TAF4: variants seen among roughly 807,000 people sequenced by gnomAD.
TAF4 encodes the protein transcription initiation factor TFIID subunit 4.
A neutral mutation model predicts 90.3 loss-of-function variants in TAF4; 9 were observed. The ratio of observed to expected loss-of-function variants is 0.10; its 90% CI spans 0.06 to 0.17. The LOEUF (loss-of-function observed/expected upper bound fraction) is 0.17. Ranked by LOEUF, TAF4 falls within the 10% of genes least tolerant of loss-of-function variation. The pLI is 1.00. For synonymous variants in TAF4, 818 were observed against 638.9 expected (o/e 1.28, Z -4.23); for missense variants, 1,351 against 1,370.7 (o/e 0.99, Z 0.23).
intron 14 of TAF4, among the ~76,000 whole-genome samples, chr20:61,982,185 C>CA (rs1255339794): frequency 9.9e-3 from 47 of 4,768 alleles, no homozygotes; most frequent in Middle Eastern, 0.083. Context: ...GAGGAGACAC[C>CA]AAACCCACAC....
chr20:62,032,426 G>A (rs6061401), intron 1 of TAF4, among the ~76,000 whole-genome samples: 82,414 of 151,854 alleles, frequency 0.54, 22,773 homozygotes, highest in Middle Eastern at 0.66. Context: ...TTTATCCACA[G>A]AGGCTGGGGA....
chr20:62,030,671 T>C (rs1430549403), intron 1 of TAF4, among the ~76,000 whole-genome samples: 1 of 152,218 alleles, frequency 6.6e-6, no homozygotes, highest in African/African-American at 2.4e-5. Flanking sequence ...CCAATTAACA[T>C]GCTTAGAGTA....
intron 1 of TAF4, among the ~76,000 whole-genome samples, chr20:62,048,430 C>T (rs185481338): frequency 1.3e-5 from 2 of 152,122 alleles, no homozygotes; most frequent in African/African-American, 4.8e-5. Flanking sequence ...CTCCCTGACT[C>T]CAGCTGGCCA....
chr20:62,000,610 G>A lies in TAF4; in HGVS notation c.2598C>T (p.Ser866=), dbSNP rs371579161. The A allele has an allele frequency of 2.5e-6, 4 of 1,614,260 alleles. No homozygotes were observed. In the South Asian group the frequency reaches 4.4e-5, roughly 18 times the overall value. ...GGAGGAGGAAGGTTTCATCTTTACA[G>A]GACCGCGTTAGCGTGCCCACCAATT... is the stretch of plus-strand genomic sequence containing the variant. ...NSELVGTLTR[S]CKDETFLLQA... is the part of the protein sequence containing the mutation. Residue 866 remains serine, a synonymous_variant, in exon 10 of 15, where the codon TCC becomes TCT. Transcript: ENST00000252996.
chr20:62,012,757 A>G lies in TAF4; in HGVS notation c.1641+58T>C, dbSNP rs1221753991. 3.9e-6 allele frequency: 6 copies of G among 1,536,260 alleles called. No individual in the cohort carries two copies. In the African/African-American group the frequency reaches 7.0e-5, roughly 18 times the overall value. ...CTCCTAAGGCCTGATCTCTGCATCA[A>G]AGAAATCACACTTCGTGGCCCCTGC... On this transcript the variant is annotated intron_variant, in intron 3 of 14. Transcript: ENST00000252996.
chr20:62,003,240 G>A lies in TAF4; in HGVS notation c.2406C>T (p.Thr802=). ...GTGCCGAGACAGCAGAAAGGGCTTTGGTTCCAGGTAACACGGCGGGTTTCA... is the reference window on the plus strand; with the variant it reads ...GTGCCGAGACAGCAGAAAGGGCTTTAGTTCCAGGTAACACGGCGGGTTTCA... ...PVVKPAVLPG[T]KALSAVSAQA... is the part of the protein sequence containing the mutation. Residue 802 remains threonine (T), a synonymous_variant, in exon 9 of 15, where the codon ACC becomes ACT. Coordinates refer to ENST00000252996, the MANE Select transcript of TAF4 (RefSeq NM_003185.4). The A allele has an allele frequency of 6.2e-7, 1 of 1,614,140 alleles. No homozygotes were observed. Among genetic ancestry groups the A allele is most frequent in the South Asian group, 1.1e-5 (1 of 91,086 alleles).
At chr20:62,021,373 G>C (rs906337064) in intron 1 of TAF4, among the ~76,000 whole-genome samples, 1 of 152,274 alleles carries the variant, frequency 6.6e-6, no homozygotes, top group Non-Finnish European at 1.5e-5. Flanking sequence ...GCCAGGCACA[G>C]GGTCCGGAGG....
intron 14 of TAF4, 58 bp from the exon 15 acceptor site, chr20:61,976,393 T>C (rs2055495038): frequency 1.3e-6 from 2 of 1,590,796 alleles, no homozygotes; most frequent in Non-Finnish European, 1.7e-6. Context: ...GGGCTTGCAA[T>C]GAGCCTGTGT....
intron 3 of TAF4, 83 bp downstream of exon 3, chr20:62,012,732 C>A: frequency 5.7e-6 from 7 of 1,237,738 alleles, no homozygotes; most frequent in Admixed American, 3.0e-5. Context: ...AAAAAAAAAA[C>A]TCCTAAGGCC....
At chr20:61,998,360 C>T (rs534973020) in intron 12 of TAF4, among the ~76,000 whole-genome samples, 168 bp from the exon 13 acceptor site, 4 of 152,128 alleles carry the variant, frequency 2.6e-5, no homozygotes, top group Non-Finnish European at 5.9e-5. Context: ...CATCACACAC[C>T]ATGAAAAAAG....
chr20:62,055,683 C>T (rs972595395), intron 1 of TAF4, among the ~76,000 whole-genome samples: 2 of 152,212 alleles, frequency 1.3e-5, no homozygotes, highest in Non-Finnish European at 2.9e-5. Context: ...GGATACAGGT[C>T]CCAGCTGCAT....
At chr20:61,993,141 A>G (rs548453400) in intron 14 of TAF4, among the ~76,000 whole-genome samples, 2 of 152,322 alleles carry the variant, frequency 1.3e-5, no homozygotes, top group East Asian at 3.9e-4. Flanking sequence ...CACCCCAAAG[A>G]GGAAGTGAGA....
intron 1 of TAF4, among the ~76,000 whole-genome samples, chr20:62,025,841 G>C (rs1399026454): frequency 6.6e-6 from 1 of 152,182 alleles, no homozygotes; most frequent in Non-Finnish European, 1.5e-5. Flanking sequence ...ATGGGACAAG[G>C]GGCGTGGGAG....
chr20:62,050,875 T>C (rs2056023246), intron 1 of TAF4, among the ~76,000 whole-genome samples: 1 of 151,882 alleles, frequency 6.6e-6, no homozygotes, highest in African/African-American at 2.4e-5. Context: ...TGCTTCCTCC[T>C]GCACCCACCC....
intron 1 of TAF4, among the ~76,000 whole-genome samples, chr20:62,052,058 T>C (rs1381447294): frequency 6.6e-6 from 1 of 152,136 alleles, no homozygotes; most frequent in Non-Finnish European, 1.5e-5. Flanking sequence ...CCCTTCTGCG[T>C]CCTGCACCGT....
At position 61,997,729 on chromosome 20, in the gene TAF4, A is replaced by G. The variant is rs201037283; in HGVS notation, c.2971-60T>C. 3.1e-4 allele frequency: 481 copies of G among 1,545,526 alleles called. 1 individual carries two copies. Among genetic ancestry groups the G allele is most frequent in the Non-Finnish European group, 2.7e-4 (313 of 1,145,744 alleles). ...TCTTGCATGTTTTTTACTTACTACA[A>G]AAGTAATACATAGATATGAAAGGGT... is the stretch of plus-strand genomic sequence containing the variant. On this transcript the variant is annotated intron_variant, in intron 13 of 14. Transcript: ENST00000252996.
intron 10 of TAF4, 137 bp from the exon 11 acceptor site, chr20:62,000,391 G>T: frequency 7.1e-7 from 1 of 1,401,214 alleles, no homozygotes; most frequent in Non-Finnish European, 9.7e-7. Context: ...GTGGAAGGCA[G>T]TGGTACCCAT....
intron 14 of TAF4, among the ~76,000 whole-genome samples, chr20:61,996,941 A>T (rs2055666427): frequency 6.6e-6 from 1 of 152,242 alleles, no homozygotes; most frequent in Admixed American, 6.5e-5. Context: ...AGACGGAAAC[A>T]GACCCACGGG....
At chr20:62,001,882 A>G (rs1040974408) in intron 9 of TAF4, among the ~76,000 whole-genome samples, 1 of 152,096 alleles carries the variant, frequency 6.6e-6, no homozygotes, top group African/African-American at 2.4e-5. Flanking sequence ...TTTAGTGGAA[A>G]ACGGTTTTTA....
Sources: allele counts gnomAD v4.1 joint callset (sites outside exome capture counted in the v4.1 genomes callset), GRCh38; gene constraint gnomAD v4.1.1; transcripts MANE v1.5; gene names NCBI Gene and HGNC (gene_info 2026-07-23, HGNC 2026-07-21).